The following FBXO36 variants were observed in gnomAD, a reference collection of about 807,000 sequenced individuals.
The protein encoded by FBXO36 is F-box protein 36, also known as F-box only protein 36.
In FBXO36, 18 loss-of-function variants were observed where a neutral mutation model predicts 17.0. The ratio of observed to expected loss-of-function variants is 1.06; its 90% CI spans 0.73 to 1.57. FBXO36 has a LOEUF of 1.57. Ranked by LOEUF, FBXO36 falls within the 40% of genes most tolerant of loss-of-function variation. The pLI, the probability that FBXO36 is intolerant of heterozygous loss-of-function variation, is 0.00. For missense variants in FBXO36, 229 were observed against 221.9 expected (o/e 1.03, Z -0.20); for synonymous variants, 83 against 85.3 (o/e 0.97, Z 0.15).
intron 3 of FBXO36, among the ~76,000 whole-genome samples, chr2:230,009,002 T>C (rs946966562): frequency 6.6e-6 from 1 of 152,222 alleles, no homozygotes; most frequent in African/African-American, 2.4e-5. Context: ...AATTATGCCT[T>C]ATTGTACTAT....
At chr2:229,981,802 A>G (rs1352985607) in intron 2 of FBXO36, among the ~76,000 whole-genome samples, 1 of 152,092 alleles carries the variant, frequency 6.6e-6, no homozygotes, top group Non-Finnish European at 1.5e-5. Flanking sequence ...TCACATTGCT[A>G]TAAGGAAATA....
chr2:229,982,355 G>A (rs758074974), intron 2 of FBXO36, among the ~76,000 whole-genome samples: 4 of 152,020 alleles, frequency 2.6e-5, no homozygotes, highest in Non-Finnish European at 4.4e-5. Flanking sequence ...GCCAACAATG[G>A]CAGGTCTTGT....
At chr2:229,983,173 C>G (rs891989576) in intron 2 of FBXO36, among the ~76,000 whole-genome samples, 1 of 151,742 alleles carries the variant, frequency 6.6e-6, no homozygotes, top group Non-Finnish European at 1.5e-5. Flanking sequence ...GCCGGGAGTT[C>G]GAGACCAGCC....
At chr2:229,947,903 C>T (rs2077035739) in intron 1 of FBXO36, among the ~76,000 whole-genome samples, 1 of 152,162 alleles carries the variant, frequency 6.6e-6, no homozygotes, top group African/African-American at 2.4e-5. Flanking sequence ...TAGGATTCAA[C>T]ATCAAGAGTG....
chr2:230,002,565 G>A (rs1225826733), intron 3 of FBXO36, among the ~76,000 whole-genome samples: 4 of 151,852 alleles, frequency 2.6e-5, no homozygotes, highest in African/African-American at 9.7e-5. Context: ...TGTATTTTTT[G>A]TAGAGACAGG....
chr2:229,946,481 A>C (rs932846009), intron 1 of FBXO36, among the ~76,000 whole-genome samples: 19 of 152,330 alleles, frequency 1.2e-4, no homozygotes, highest in Non-Finnish European at 2.2e-4. Context: ...CTTAGGAAAT[A>C]ATAAGCCAAA....
At position 229,947,156 on chromosome 2, in the gene FBXO36, G is replaced by A. The variant is rs541410173; in HGVS notation, c.96+24547G>A. On this transcript the variant is annotated intron_variant, in intron 1 of 3. Transcript: ENST00000283946. Reference sequence around the variant, plus strand: ...GCACTCCAGCCTGGACAACAAGAGCGAAACTCTGTCTCAAAAGTAAATAAA... The same window carrying A: ...GCACTCCAGCCTGGACAACAAGAGCAAAACTCTGTCTCAAAAGTAAATAAA... Among the ~76,000 whole-genome samples the A allele has an allele frequency of 5.9e-5, 9 of 152,198 alleles. No homozygotes were observed. In the East Asian group the frequency reaches 1.2e-3, roughly 20 times the overall value.
intron 2 of FBXO36, among the ~76,000 whole-genome samples, chr2:229,986,611 C>T (rs890704493): frequency 6.6e-6 from 1 of 151,102 alleles, no homozygotes; most frequent in Non-Finnish European, 1.5e-5. Flanking sequence ...CTTGGCTCAC[C>T]ACAGCCTCTG....
At chr2:229,929,803 G>A (rs1245292589) in intron 1 of FBXO36, among the ~76,000 whole-genome samples, 1 of 152,162 alleles carries the variant, frequency 6.6e-6, no homozygotes, top group South Asian at 2.1e-4. Context: ...AGGTTGCAGT[G>A]AGCAGAGATC....
At chr2:229,946,706 A>G (rs941096425) in intron 1 of FBXO36, among the ~76,000 whole-genome samples, 2 of 152,232 alleles carry the variant, frequency 1.3e-5, no homozygotes, top group Non-Finnish European at 2.9e-5. Flanking sequence ...GTGAATGGAA[A>G]TTAGCCTCTT....
At chr2:229,935,202 TCTGACCAACCC>T (rs576425281) in intron 1 of FBXO36, among the ~76,000 whole-genome samples, 49 of 152,308 alleles carry the variant, frequency 3.2e-4, no homozygotes, top group South Asian at 1.4e-3. Flanking sequence ...AAAGCTCAGC[TCTGACCAACCC>T]CCTGGATTTG....
chr2:229,964,023 T>C (rs2077138301), intron 1 of FBXO36, among the ~76,000 whole-genome samples: 1 of 152,188 alleles, frequency 6.6e-6, no homozygotes, highest in Admixed American at 6.5e-5. Context: ...TTGAGCATCT[T>C]TTTATATGTC....
chr2:229,951,269 G>A lies in FBXO36; in HGVS notation c.97-24972G>A, dbSNP rs555467496. Among the ~76,000 whole-genome samples the A allele has an allele frequency of 2.8e-5, 4 of 140,430 alleles. No homozygotes were observed. In the Admixed American group the frequency reaches 3.0e-4, roughly 10 times the overall value. 92.1% of individuals were successfully genotyped at this position (140,430 alleles called of 152,430 possible). ...TTTTTCTTCTTTTTTTTTAGACGGA[G>A]TTTCGCTTTTGTTGCCCAGGCTGGA... On this transcript the variant is annotated intron_variant, in intron 1 of 3. Coordinates refer to ENST00000283946, the MANE Select transcript of FBXO36 (RefSeq NM_174899.5).
chr2:230,010,888 C>T lies in FBXO36; in HGVS notation c.*4C>T, dbSNP rs1338141336. ...CCTGAGAGAAAAGCAACCTTAGGCA[C>T]ACATTTTCCTACCAGCAGGGAGCTC... On this transcript the variant is annotated 3_prime_UTR_variant, in exon 4 of 4. Transcript: ENST00000283946. 6.2e-7 allele frequency: 1 copy of T among 1,601,878 alleles called. No individual in the cohort carries two copies. Among genetic ancestry groups the T allele is most frequent in the Non-Finnish European group, 8.5e-7 (1 of 1,172,406 alleles).
At position 230,012,738 on chromosome 2, in the gene FBXO36, A is replaced by G. The variant is rs982636167; in HGVS notation, c.*1854A>G. On this transcript the variant is annotated 3_prime_UTR_variant, in exon 4 of 4. Transcript: ENST00000283946. ...TCGTGAGGATGCAGACACAACCACA[A>G]TTACGTATGTCAACATAACTTCATA... 9.2e-5 allele frequency: 14 copies of G among 151,794 alleles called. No homozygotes were observed. The highest frequency in any genetic ancestry group is 1.8e-4 in the Non-Finnish European group (12 of 67,894). The allele number at this position is 151,794 out of a possible 1,614,324, so 9.4% of individuals were successfully genotyped here.
chr2:229,988,846 T>TTG (rs199636175), intron 2 of FBXO36, among the ~76,000 whole-genome samples: 1,808 of 147,702 alleles, frequency 0.012, 28 homozygotes, highest in Non-Finnish European at 0.017. Context: ...TTTTTTTTGT[T>TTG]TTTTTTTTTT....
chr2:229,936,181 G>A (rs561592575), intron 1 of FBXO36, among the ~76,000 whole-genome samples: 7 of 151,918 alleles, frequency 4.6e-5, no homozygotes, highest in East Asian at 3.9e-4. Context: ...GTGAAACTCC[G>A]TCTCAAAAAA....
intron 2 of FBXO36, among the ~76,000 whole-genome samples, chr2:229,988,865 A>G (rs887808258): frequency 8.7e-5 from 12 of 137,214 alleles, no homozygotes; most frequent in African/African-American, 3.3e-4. Context: ...TTTACCGCAT[A>G]GTATTTATGC....
chr2:229,932,311 A>G (rs989847454), intron 1 of FBXO36, among the ~76,000 whole-genome samples: 3 of 152,084 alleles, frequency 2.0e-5, no homozygotes, highest in Non-Finnish European at 2.9e-5. Flanking sequence ...ACCTAAGGTC[A>G]GGAGTTCGAG....
Sources: gnomAD v4.1 joint callset for allele counts (sites outside exome capture counted in the v4.1 genomes callset) on GRCh38, gnomAD v4.1.1 for gene constraint, MANE v1.5 for transcripts, NCBI Gene and HGNC (gene_info 2026-07-23, HGNC 2026-07-21) for gene names.